Variants in TBCD observed in about 807,000 individuals in gnomAD.
The protein encoded by TBCD is tubulin-specific chaperone D.
Under a neutral mutation model 169.3 loss-of-function variants are expected in TBCD, and 105 were observed. That is an observed-to-expected ratio of 0.62 (90% confidence interval 0.53 to 0.73). The LOEUF is 0.73. Ranked by LOEUF, TBCD falls within the 30% of genes least tolerant of loss-of-function variation. The pLI is 0.00. For missense variants in TBCD, 1,444 were observed against 1,600.1 expected, an observed-to-expected ratio of 0.90 and a Z score of 1.66; for synonymous variants, 700 against 643.9, an observed-to-expected ratio of 1.09 and a Z score of -1.32.
Position 82,941,480 on chromosome 17 carries a change from C to G in TBCD, c.3561C>G (p.Pro1187=), listed in dbSNP as rs116448126. Residue 1187 remains proline, a synonymous_variant, in exon 38 of 39, where the codon CCC becomes CCG. Coordinates refer to ENST00000355528, the MANE Select transcript of TBCD (RefSeq NM_005993.5). Reference sequence around the variant, plus strand: ...GCGTACCCAGGCCCCAGCTGGTGCCCCAGGTAACCCTGTCACCTTCACAGC... The same window carrying G: ...GCGTACCCAGGCCCCAGCTGGTGCCGCAGGTAACCCTGTCACCTTCACAGC... The part of the protein sequence containing the change: ...LLGVPRPQLV[P]QPGAC 2 of 1,591,974 alleles carry G rather than the reference C, an allele frequency of 1.3e-6. No individual in the cohort carries two copies. Among genetic ancestry groups the G allele is most frequent in the Admixed American group, 1.7e-5 (1 of 57,726 alleles).
chr17:82,875,580 C>G (rs528894803), intron 14 of TBCD, among the ~76,000 whole-genome samples: 2 of 152,212 alleles, frequency 1.3e-5, no homozygotes, highest in Non-Finnish European at 2.9e-5. Context: ...GCCTCCACCT[C>G]GAGCAAACCT....
chr17:82,843,580 C>A (rs532798118), intron 13 of TBCD, among the ~76,000 whole-genome samples: 1 of 149,968 alleles, frequency 6.7e-6, no homozygotes, highest in Non-Finnish European at 1.5e-5. Flanking sequence ...GCTTACTTAC[C>A]CTTCCCTTCC....
intron 17 of TBCD, among the ~76,000 whole-genome samples, chr17:82,897,025 T>C (rs1162657188): frequency 6.6e-5 from 10 of 152,136 alleles, no homozygotes; most frequent in Admixed American, 6.5e-4. Context: ...TCATCATCCA[T>C]TTCAGGGGCG....
intron 6 of TBCD, among the ~76,000 whole-genome samples, chr17:82,773,576 C>T (rs2048410226): frequency 6.6e-6 from 1 of 152,118 alleles, no homozygotes; most frequent in South Asian, 2.1e-4. Context: ...CAACTCTGTC[C>T]ATGGTCTCCC....
Position 82,929,367 on chromosome 17 carries a change from A to T in TBCD, c.2858A>T (p.Asp953Val). The T allele has an allele frequency of 6.2e-7, 1 of 1,612,834 alleles. No homozygotes were observed. Among genetic ancestry groups the T allele is most frequent in the Non-Finnish European group, 8.5e-7 (1 of 1,179,432 alleles). Reference sequence around the variant, plus strand: ...TCTCACTCACTCTCTTGCAGGTCCGATGTGGCCTCCGTGAACTGGAGTGCA... The same window carrying T: ...TCTCACTCACTCTCTTGCAGGTCCGTTGTGGCCTCCGTGAACTGGAGTGCA... Reference protein sequence around the residue: ...GELEKLFPRSDVASVNWSAPS... With the variant: ...GELEKLFPRSVVASVNWSAPS... Residue 953 changes from aspartate to valine, a missense_variant, in exon 32 of 39, where the codon GAT becomes GTT. Coordinates refer to ENST00000355528, the MANE Select transcript of TBCD (RefSeq NM_005993.5).
chr17:82,846,631 C>T (rs2055145277), intron 13 of TBCD, among the ~76,000 whole-genome samples: 1 of 152,170 alleles, frequency 6.6e-6, no homozygotes, highest in Non-Finnish European at 1.5e-5. Flanking sequence ...GGCTCTAGGC[C>T]CTGCCTTCGG....
intron 14 of TBCD, among the ~76,000 whole-genome samples, chr17:82,871,619 A>G (rs1016088518): frequency 1.3e-5 from 2 of 152,170 alleles, no homozygotes; most frequent in Non-Finnish European, 2.9e-5. Flanking sequence ...CAGCGTCTGA[A>G]GCTTCCACCT....
chr17:82,905,919 G>A lies in TBCD; in HGVS notation c.1805-17G>A, dbSNP rs1182252945. On this transcript the variant is annotated splice_polypyrimidine_tract_variant and intron_variant, in intron 19 of 38. Transcript: ENST00000355528. ...TGTACACACCCTCACCTGCCCTCTC[G>A]GCCCTGTCTCTTGCAGTCTTCCCGA... 5 of 1,597,280 alleles carry A rather than the reference G, an allele frequency of 3.1e-6. No individual in the cohort carries two copies. Among genetic ancestry groups the A allele is most frequent in the Non-Finnish European group, 3.4e-6 (4 of 1,169,782 alleles).
intron 7 of TBCD, among the ~76,000 whole-genome samples, chr17:82,791,142 A>G (rs1410639438): frequency 1.5e-5 from 2 of 130,898 alleles, no homozygotes; most frequent in Admixed American, 1.8e-4. Context: ...CCCTGGCTGG[A>G]GTGCAGTGGC....
chr17:82,783,092 G>GT (rs2049062516), intron 7 of TBCD, among the ~76,000 whole-genome samples: 1 of 151,636 alleles, frequency 6.6e-6, no homozygotes, highest in Non-Finnish European at 1.5e-5. Context: ...TGTCAGCTGG[G>GT]TGGAGGGGGG....
Position 82,782,880 on chromosome 17 carries a change from TC to T in TBCD, c.771+1161del, listed in dbSNP as rs780588771. ...CGTCCTCATGTCCTCAGTGTTGTCTTCCTGTCCATGGCGTTGTCTTCCTGTC... is the reference window on the plus strand; with the variant it reads ...CGTCCTCATGTCCTCAGTGTTGTCTTCTGTCCATGGCGTTGTCTTCCTGTC... On this transcript the variant is annotated intron_variant, in intron 7 of 38. Coordinates refer to ENST00000355528, the MANE Select transcript of TBCD (RefSeq NM_005993.5). The surrounding 1 kb of genome is among the most constrained non-coding windows in gnomAD (Gnocchi z 5.1). Among the ~76,000 whole-genome samples the T allele has an allele frequency of 6.0e-5, 9 of 151,260 alleles. No individual in the cohort carries two copies. The highest frequency in any genetic ancestry group is 1.3e-4 in the Non-Finnish European group (9 of 67,838).
chr17:82,920,772 A>C lies in TBCD; in HGVS notation c.2101+154A>C, dbSNP rs928846899. 6.7e-6 allele frequency among the ~76,000 whole-genome samples: 1 copy of C among 148,682 alleles called. No individual in the cohort carries two copies. Among genetic ancestry groups the C allele is most frequent in the Admixed American group, 6.7e-5 (1 of 14,842 alleles). On this transcript the variant is annotated intron_variant, in intron 24 of 38. Coordinates refer to ENST00000355528, the MANE Select transcript of TBCD (RefSeq NM_005993.5). The surrounding 1 kb of genome is among the most constrained non-coding windows in gnomAD (Gnocchi z 4.1). ...ACGTTGCCTTGAAGTTGTTACAAGA[A>C]CCTGCTTAAATAATGGGTACCCACC...
At position 82,831,001 on chromosome 17, in the gene TBCD, A is replaced by G. The variant is rs763705891; in HGVS notation, c.1318+16067A>G. 1 of 1,613,980 alleles carries G rather than the reference A, an allele frequency of 6.2e-7. No individual in the cohort carries two copies. The highest frequency in any genetic ancestry group is 8.5e-7 in the Non-Finnish European group (1 of 1,180,016). On this transcript the variant is annotated intron_variant, in intron 13 of 38. Coordinates refer to ENST00000355528, the MANE Select transcript of TBCD (RefSeq NM_005993.5). The surrounding 1 kb of genome is among the most constrained non-coding windows in gnomAD (Gnocchi z 4.6). ...CAGAAACATTCCCTTGGAGGTTTTG[A>G]AAATGACATTTTCTTACCTTACTGG...
rs376326781 is a variant in TBCD, at chr17:82,864,368, G to C, written c.1319-5856G>C. The C allele has an allele frequency of 2.0e-5, 3 of 152,266 alleles. No homozygotes were observed. The highest frequency in any genetic ancestry group is 7.2e-5 in the African/African-American group (3 of 41,462). 9.4% of individuals were successfully genotyped at this position (152,266 alleles called of 1,614,324 possible). On this transcript the variant is annotated intron_variant, in intron 13 of 38. Transcript: ENST00000355528. This position sits in a 1 kb window ranked among gnomAD's most constrained non-coding sequence, Gnocchi z 6.3. ...CAGGCAGATCGAGTGCCGGCTCTCTGTGCTCTCCAGGAGGTGGCCTTTCAC... is the reference window on the plus strand; with the variant it reads ...CAGGCAGATCGAGTGCCGGCTCTCTCTGCTCTCCAGGAGGTGGCCTTTCAC...
In TBCD at chr17:82,832,780, C is replaced by T. The variant is rs780770845; in HGVS notation, c.1318+17846C>T. 19 of 428,786 alleles carry T rather than the reference C, an allele frequency of 4.4e-5. No homozygotes were observed. Among genetic ancestry groups the T allele is most frequent in the African/African-American group, 1.0e-4 (5 of 50,122 alleles). The allele number at this position is 428,786 out of a possible 1,614,324, so 26.6% of individuals were successfully genotyped here. A position where few individuals can be genotyped will look rare whatever the true frequency, so the allele number is the denominator to read the frequency against. On this transcript the variant is annotated intron_variant, in intron 13 of 38. Transcript: ENST00000355528. This position sits in a 1 kb window ranked among gnomAD's most constrained non-coding sequence, Gnocchi z 4.9. ...GCCTGCTCCTGAGGGGAGCAGCTGC[C>T]GGTCACAGAAGCAGCCCTGCCCTAC...
intron 13 of TBCD, among the ~76,000 whole-genome samples, chr17:82,828,631 CA>C (rs1475623585): frequency 6.6e-6 from 1 of 150,944 alleles, no homozygotes; most frequent in Non-Finnish European, 1.5e-5. Context: ...CACACCCACA[CA>C]ATCGAATGCG....
In TBCD at chr17:82,932,563, G is replaced by A. The variant is rs903067279; in HGVS notation, c.3114-95G>A. ...ACGTAAATTATAAAGGGGGCTTGTC[G>A]CTTTCCACTGGGATCCTGCTGACTC... On this transcript the variant is annotated intron_variant, in intron 33 of 38. Coordinates refer to ENST00000355528, the MANE Select transcript of TBCD (RefSeq NM_005993.5). The A allele has an allele frequency of 8.6e-5, 83 of 964,178 alleles. 1 individual carries two copies. In the South Asian group the frequency reaches 1.0e-3, roughly 12 times the overall value. 59.7% of individuals were successfully genotyped at this position (964,178 alleles called of 1,614,324 possible).
At chr17:82,851,159 A>G (rs1293607004) in intron 13 of TBCD, among the ~76,000 whole-genome samples, 2 of 152,366 alleles carry the variant, frequency 1.3e-5, no homozygotes, top group East Asian at 3.9e-4. Flanking sequence ...TCACAAAGTA[A>G]TGAAATTAAA....
At chr17:82,940,958 T>TAA (rs199798632) in intron 37 of TBCD, among the ~76,000 whole-genome samples, 1 of 148,004 alleles carries the variant, frequency 6.8e-6, no homozygotes, top group East Asian at 2.0e-4. Flanking sequence ...CCCTTTCTGT[T>TAA]AAAAAAAAAA....
Sources: gnomAD v4.1 joint callset for allele counts (sites outside exome capture counted in the v4.1 genomes callset) on GRCh38, gnomAD v4.1.1 for gene constraint, Gnocchi (gnomAD v3.1) non-coding constraint, MANE v1.5 for transcripts, NCBI Gene and HGNC (gene_info 2026-07-23, HGNC 2026-07-21) for gene names.